The following VMP1 variants were observed in gnomAD, a reference collection of about 807,000 sequenced individuals.
VMP1 encodes the protein ectopic P-granules autophagy protein 3 homolog.
VMP1 carries 11 observed loss-of-function variants against 56.0 expected under a neutral mutation model. The ratio of observed to expected loss-of-function variants is 0.20; its 90% CI spans 0.12 to 0.32. VMP1 has a LOEUF of 0.32. Among genes scored for constraint, VMP1 ranks in the 10% least tolerant of loss-of-function variants. The pLI is 1.00. For synonymous variants in VMP1, 149 were observed against 165.0 expected (o/e 0.90, Z 0.74); for missense variants, 296 against 490.3 (o/e 0.60, Z 3.74).
chr17:59,788,315 C>T (rs1320717201), intron 7 of VMP1, among the ~76,000 whole-genome samples: 2 of 151,192 alleles, frequency 1.3e-5, no homozygotes, highest in Non-Finnish European at 2.9e-5. Context: ...GGTGAAACAC[C>T]GTCTCTACTA....
rs1396268898 is a variant in VMP1 at position 59,841,716 on chromosome 17, T to C, written c.*1805T>C. ...TTTTTTTAGATCGAGTCAGCATAAA[T>C]TTCTAAGTCAGCCTCTAGTCGTGGT... On this transcript the variant is annotated 3_prime_UTR_variant, in exon 12 of 12. Coordinates refer to ENST00000262291, the MANE Select transcript of VMP1 (RefSeq NM_030938.5). 6.6e-6 allele frequency: 1 copy of C among 152,568 alleles called. No individual in the cohort carries two copies. The highest frequency in any genetic ancestry group is 1.5e-5 in the Non-Finnish European group (1 of 68,306). 9.5% of individuals were successfully genotyped at this position (152,568 alleles called of 1,614,324 possible).
intron 6 of VMP1, among the ~76,000 whole-genome samples, chr17:59,772,951 T>TC (rs2036484954): frequency 3.7e-5 from 1 of 27,048 alleles, no homozygotes; most frequent in Non-Finnish European, 6.7e-5. Flanking sequence ...TGGTGAATTC[T>TC]TTTTTTTTTT....
chr17:59,786,100 C>T (rs1223793754), intron 7 of VMP1, among the ~76,000 whole-genome samples: 5 of 151,812 alleles, frequency 3.3e-5, no homozygotes, highest in African/African-American at 1.2e-4. Context: ...AAATATAAAA[C>T]CAAAAAACAG....
chr17:59,761,181 G>A (rs1187698195), intron 5 of VMP1, among the ~76,000 whole-genome samples: 3 of 152,190 alleles, frequency 2.0e-5, no homozygotes, highest in African/African-American at 4.8e-5. Context: ...GATTACAGGC[G>A]TGAGCCACCG....
intron 5 of VMP1, among the ~76,000 whole-genome samples, chr17:59,742,911 G>A (rs928446606): frequency 6.6e-6 from 1 of 152,100 alleles, no homozygotes; most frequent in Non-Finnish European, 1.5e-5. Flanking sequence ...ATCTGAGGTG[G>A]AACAGTTTCA....
intron 6 of VMP1, among the ~76,000 whole-genome samples, chr17:59,766,928 C>G (rs552173785): frequency 6.6e-6 from 1 of 151,966 alleles, no homozygotes; most frequent in Non-Finnish European, 1.5e-5. Context: ...TACAGGCACC[C>G]GCCACCACGC....
chr17:59,803,098 T>C (rs1261461610), intron 7 of VMP1, among the ~76,000 whole-genome samples: 4 of 152,188 alleles, frequency 2.6e-5, no homozygotes, highest in Non-Finnish European at 4.4e-5. Context: ...AAAATGAAAA[T>C]GTTTACTGTT....
chr17:59,805,155 C>G (rs1052719421), intron 7 of VMP1, among the ~76,000 whole-genome samples: 1 of 152,046 alleles, frequency 6.6e-6, no homozygotes, highest in African/African-American at 2.4e-5. Flanking sequence ...TTCACGTGTT[C>G]GGATAGATTA....
At chr17:59,747,331 G>A (rs1267871006) in intron 5 of VMP1, among the ~76,000 whole-genome samples, 1 of 152,108 alleles carries the variant, frequency 6.6e-6, no homozygotes, top group Non-Finnish European at 1.5e-5. Context: ...AGGGAGGCAG[G>A]GGGATCACTT....
chr17:59,728,067 A>G (rs889718071), intron 1 of VMP1, among the ~76,000 whole-genome samples: 7 of 152,254 alleles, frequency 4.6e-5, no homozygotes, highest in African/African-American at 1.7e-4. Context: ...ATTGAAGACA[A>G]CAAAACAAAG....
chr17:59,772,950 C>CTTTTTTTTTTTTTTT lies in VMP1; in HGVS notation c.583-788_583-774dup, dbSNP rs1179269248. Reference sequence around the variant, plus strand: ...TATCTAACACATATACTGGTGAATTCTTTTTTTTTTTTTTTTTTTTTTTTT... The same window carrying CTTTTTTTTTTTTTTT: ...TATCTAACACATATACTGGTGAATTCTTTTTTTTTTTTTTTTTTTTTTTTTTTTTTTTTTTTTTTT... On this transcript the variant is annotated intron_variant, in intron 6 of 11. Coordinates refer to ENST00000262291, the MANE Select transcript of VMP1 (RefSeq NM_030938.5). Among the ~76,000 whole-genome samples the CTTTTTTTTTTTTTTT allele has an allele frequency of 3.5e-3, 194 of 55,714 alleles. 40 individuals carry two copies. The highest frequency in any genetic ancestry group is 0.026 in the Middle Eastern group (1 of 38). The allele number at this position is 55,714 out of a possible 152,430, so 36.6% of individuals were successfully genotyped here.
intron 1 of VMP1, among the ~76,000 whole-genome samples, chr17:59,727,215 A>G (rs1033552373): frequency 6.6e-6 from 1 of 151,970 alleles, no homozygotes; most frequent in Admixed American, 6.6e-5. Flanking sequence ...GCTTACCACA[A>G]GCTTTGCCTC....
At chr17:59,711,638 T>C (rs763838665) in intron 1 of VMP1, among the ~76,000 whole-genome samples, 1 of 152,202 alleles carries the variant, frequency 6.6e-6, no homozygotes, top group Non-Finnish European at 1.5e-5. Flanking sequence ...TAGGCCCTTA[T>C]ATAAAGCTTA....
chr17:59,715,185 G>A (rs866385962), intron 1 of VMP1, among the ~76,000 whole-genome samples: 34 of 152,102 alleles, frequency 2.2e-4, no homozygotes, highest in Admixed American at 2.0e-4. Context: ...TATAAAGCTT[G>A]CTTGAATTTG....
intron 6 of VMP1, among the ~76,000 whole-genome samples, chr17:59,767,882 A>G (rs1375229202): frequency 1.3e-5 from 2 of 151,724 alleles, no homozygotes; most frequent in East Asian, 1.9e-4. Flanking sequence ...TCCTAGCACT[A>G]TGGGAGGCCG....
intron 9 of VMP1, among the ~76,000 whole-genome samples, chr17:59,815,351 A>C (rs2038189579): frequency 6.6e-6 from 1 of 152,160 alleles, no homozygotes; most frequent in Admixed American, 6.6e-5. Flanking sequence ...ATGTTATTTC[A>C]TGTACCATTT....
At position 59,798,609 on chromosome 17, in the gene VMP1, G is replaced by C. The variant is rs138826218; in HGVS notation, c.715-10187G>C. ...TCATTAAAACACAAGATGTAAGGCC[G>C]GGCACGGTGGCTCACGCCTGTAATC... On this transcript the variant is annotated intron_variant, in intron 7 of 11. Coordinates refer to ENST00000262291, the MANE Select transcript of VMP1 (RefSeq NM_030938.5). Among the ~76,000 whole-genome samples, 404 of 152,276 alleles carry C rather than the reference G, an allele frequency of 2.7e-3. 1 individual carries two copies. The highest frequency in any genetic ancestry group is 4.4e-3 in the Non-Finnish European group (298 of 68,022).
At chr17:59,807,662 G>A (rs946498451) in intron 7 of VMP1, among the ~76,000 whole-genome samples, 5 of 151,680 alleles carry the variant, frequency 3.3e-5, no homozygotes, top group Admixed American at 2.6e-4. Context: ...GTGAAACCTC[G>A]TCTCTACTAA....
chr17:59,747,033 T>C (rs1198471263), intron 5 of VMP1, among the ~76,000 whole-genome samples: 12 of 152,228 alleles, frequency 7.9e-5, no homozygotes, highest in African/African-American at 2.9e-4. Context: ...TGCCACTAGG[T>C]GGCATTGCTA....
Sources: gnomAD v4.1 joint callset for allele counts (sites outside exome capture counted in the v4.1 genomes callset) on GRCh38, gnomAD v4.1.1 for gene constraint, MANE v1.5 for transcripts, NCBI Gene and HGNC (gene_info 2026-07-23, HGNC 2026-07-21) for gene names.